The following NR3C2 variants were observed in gnomAD, a reference collection of about 807,000 sequenced individuals.
The protein encoded by NR3C2 is nuclear receptor subfamily 3 group C member 2, also known as mineralocorticoid receptor.
NR3C2 carries 15 observed loss-of-function variants against 86.4 expected under a neutral mutation model. The observed-to-expected ratio is 0.17, with a 90% CI of 0.12 to 0.27. The LOEUF (loss-of-function observed/expected upper bound fraction) is 0.27, where lower values mean the gene tolerates loss of function less well. NR3C2 is among the 10% of genes least tolerant of loss of function. NR3C2 has a pLI of 1.00. For synonymous variants in NR3C2, 458 were observed against 450.5 expected (o/e 1.02, Z -0.21); for missense variants, 960 against 1,195.6 (o/e 0.80, Z 2.91).
intron 1 of NR3C2, among the ~76,000 whole-genome samples, chr4:148,439,229 T>C (rs960327660): frequency 1.3e-5 from 2 of 152,206 alleles, no homozygotes; most frequent in African/African-American, 4.8e-5. Flanking sequence ...ATATGCTGCT[T>C]CTATTTCTAC....
intron 2 of NR3C2, among the ~76,000 whole-genome samples, chr4:148,433,067 C>T (rs1350105238): frequency 1.3e-5 from 2 of 152,136 alleles, no homozygotes; most frequent in East Asian, 3.8e-4. Flanking sequence ...CAAGACAATG[C>T]TTCCTGTGCC....
chr4:148,127,799 G>A (rs1284320854), intron 6 of NR3C2, among the ~76,000 whole-genome samples: 13 of 152,134 alleles, frequency 8.5e-5, no homozygotes, highest in Admixed American at 8.5e-4. Flanking sequence ...CACTTCAATA[G>A]TTTTGTAAAC....
rs1402930435 is a variant in NR3C2, at chr4:148,080,448, T to C, written c.*896A>G. On this transcript the variant is annotated 3_prime_UTR_variant, in exon 9 of 9. Coordinates refer to ENST00000358102, the MANE Select transcript of NR3C2 (RefSeq NM_000901.5). The stretch of plus-strand genomic sequence containing the variant: ...TCATTATGCATGCAGGACATTGCAC[T>C]TTACAAAAAAAAATTACCTTGTTTA... 1 of 154,342 alleles carries C rather than the reference T, an allele frequency of 6.5e-6. No homozygotes were observed. Among genetic ancestry groups the C allele is most frequent in the Non-Finnish European group, 1.4e-5 (1 of 69,028 alleles). 9.6% of individuals were successfully genotyped at this position (154,342 alleles called of 1,614,324 possible).
At chr4:148,289,132 A>T (rs557652091) in intron 2 of NR3C2, among the ~76,000 whole-genome samples, 1 of 152,202 alleles carries the variant, frequency 6.6e-6, no homozygotes, top group Non-Finnish European at 1.5e-5. Context: ...TAAACTGGAT[A>T]TGCAATAATT....
At chr4:148,105,333 T>C (rs370406059) in intron 8 of NR3C2, among the ~76,000 whole-genome samples, 1 of 152,096 alleles carries the variant, frequency 6.6e-6, no homozygotes, top group South Asian at 2.1e-4. Flanking sequence ...CAAGACTATA[T>C]TGAATCCCTG....
intron 2 of NR3C2, among the ~76,000 whole-genome samples, chr4:148,371,470 G>T (rs955789771): frequency 1.2e-4 from 18 of 152,104 alleles, no homozygotes; most frequent in African/African-American, 4.3e-4. Flanking sequence ...CTACAATTCT[G>T]TAAATACAGA....
intron 2 of NR3C2, among the ~76,000 whole-genome samples, chr4:148,355,899 A>G (rs1745529108): frequency 6.6e-6 from 1 of 152,074 alleles, no homozygotes; most frequent in Admixed American, 6.6e-5. Flanking sequence ...AAATTACTTA[A>G]CCTTTCTGGG....
chr4:148,168,716 A>G (rs1406283983), intron 4 of NR3C2, among the ~76,000 whole-genome samples: 2 of 152,240 alleles, frequency 1.3e-5, no homozygotes, highest in East Asian at 3.8e-4. Flanking sequence ...GCATAAACAC[A>G]AAACCATCCA....
At chr4:148,438,062 G>A (rs1290268594) in intron 1 of NR3C2, among the ~76,000 whole-genome samples, 3 of 152,156 alleles carry the variant, frequency 2.0e-5, no homozygotes, top group African/African-American at 7.2e-5. Context: ...AATAATACAA[G>A]TGTGAAAACT....
intron 8 of NR3C2, among the ~76,000 whole-genome samples, chr4:148,108,051 G>A (rs142571752): frequency 3.5e-4 from 53 of 152,260 alleles, no homozygotes; most frequent in Non-Finnish European, 1.9e-4. Flanking sequence ...AACAGTCTCT[G>A]CTGCTTGTAG....
Position 148,370,450 on chromosome 4 carries a change from T to C in NR3C2, c.1757+64654A>G, listed in dbSNP as rs61762850. On this transcript the variant is annotated intron_variant, in intron 2 of 8. Coordinates refer to ENST00000358102, the MANE Select transcript of NR3C2 (RefSeq NM_000901.5). ...AAAGTTTTTTCTGTGAATGTAATCATGAAAGTGTTATGGTTAGATGAAACA... is the reference window on the plus strand; with the variant it reads ...AAAGTTTTTTCTGTGAATGTAATCACGAAAGTGTTATGGTTAGATGAAACA... 2.0e-3 allele frequency among the ~76,000 whole-genome samples: 311 copies of C among 152,350 alleles called. 2 individuals carry two copies. Among genetic ancestry groups the C allele is most frequent in the Middle Eastern group, 0.01 (3 of 294 alleles).
intron 2 of NR3C2, among the ~76,000 whole-genome samples, chr4:148,356,896 C>A (rs904756075): frequency 7.8e-6 from 1 of 127,510 alleles, no homozygotes; most frequent in Non-Finnish European, 1.7e-5. Flanking sequence ...ACACTAAGCA[C>A]GACTGTGTGT....
intron 2 of NR3C2, among the ~76,000 whole-genome samples, chr4:148,269,521 C>A (rs557361002): frequency 6.6e-6 from 1 of 152,174 alleles, no homozygotes; most frequent in Non-Finnish European, 1.5e-5. Flanking sequence ...TGAGCATATA[C>A]AGAATCTCTA....
chr4:148,145,753 T>C (rs908946599), intron 6 of NR3C2, among the ~76,000 whole-genome samples: 5 of 152,100 alleles, frequency 3.3e-5, no homozygotes, highest in African/African-American at 1.2e-4. Flanking sequence ...TGGTTTTTCA[T>C]AGAGTCCAAC....
intron 6 of NR3C2, among the ~76,000 whole-genome samples, chr4:148,137,195 G>A (rs1257967231): frequency 6.6e-6 from 1 of 152,086 alleles, no homozygotes; most frequent in Non-Finnish European, 1.5e-5. Flanking sequence ...CCATAGGAAG[G>A]TAGAGGGGAC....
intron 6 of NR3C2, among the ~76,000 whole-genome samples, chr4:148,135,922 T>TGGC (rs1323919470): frequency 9.1e-5 from 12 of 131,906 alleles, no homozygotes; most frequent in Non-Finnish European, 1.7e-5. Context: ...CCGGGCATAG[T>TGGC]GGCGGGCGCC....
intron 2 of NR3C2, among the ~76,000 whole-genome samples, chr4:148,382,606 T>TATAGCAC (rs1747056429): frequency 6.6e-6 from 1 of 152,228 alleles, no homozygotes. Context: ...ACTGAGTGTT[T>TATAGCAC]ATAGCACATA....
At chr4:148,334,528 T>A (rs183865426) in intron 2 of NR3C2, among the ~76,000 whole-genome samples, 3 of 152,108 alleles carry the variant, frequency 2.0e-5, no homozygotes, top group African/African-American at 7.2e-5. Flanking sequence ...AGTGACAGAA[T>A]GAGACTCCAT....
intron 2 of NR3C2, among the ~76,000 whole-genome samples, chr4:148,434,873 T>A (rs971900335): frequency 6.6e-6 from 1 of 152,218 alleles, no homozygotes; most frequent in African/African-American, 2.4e-5. Context: ...GCGGGACACC[T>A]ACATATGCCC....
Sources: allele counts gnomAD v4.1 joint callset (sites outside exome capture counted in the v4.1 genomes callset), GRCh38; gene constraint gnomAD v4.1.1; transcripts MANE v1.5; gene names NCBI Gene and HGNC (gene_info 2026-07-23, HGNC 2026-07-21).